The following ADCY2 variants were observed in gnomAD, a reference collection of about 807,000 sequenced individuals.
ADCY2 encodes the protein adenylate cyclase type 2.
A neutral mutation model predicts 125.2 loss-of-function variants in ADCY2; 31 were observed. The ratio of observed to expected loss-of-function variants is 0.25; its 90% CI spans 0.19 to 0.33. The LOEUF (loss-of-function observed/expected upper bound fraction) is 0.33, where lower values mean the gene tolerates loss of function less well. Among genes scored for constraint, ADCY2 ranks in the 10% least tolerant of loss-of-function variants. ADCY2 has a pLI of 1.00. For missense variants in ADCY2, 904 were observed against 1,418.2 expected, an observed-to-expected ratio of 0.64 and a Z score of 5.82; for synonymous variants, 512 against 548.4, an observed-to-expected ratio of 0.93 and a Z score of 0.93.
At chr5:7,572,912 A>G (rs1736109024) in intron 3 of ADCY2, among the ~76,000 whole-genome samples, 1 of 152,162 alleles carries the variant, frequency 6.6e-6, no homozygotes, top group Non-Finnish European at 1.5e-5. Flanking sequence ...TCCCCATAAT[A>G]GGACTATATT....
intron 19 of ADCY2, among the ~76,000 whole-genome samples, chr5:7,788,774 C>CT (rs1251582520): frequency 6.6e-6 from 1 of 152,172 alleles, no homozygotes; most frequent in Non-Finnish European, 1.5e-5. Flanking sequence ...AAACCAAAAA[C>CT]TTGCAGTTAG....
intron 3 of ADCY2, among the ~76,000 whole-genome samples, chr5:7,561,048 C>G (rs1332815149): frequency 6.6e-6 from 1 of 152,204 alleles, no homozygotes; most frequent in East Asian, 1.9e-4. Context: ...ATATTTTGTT[C>G]CCACTCACTT....
At chr5:7,484,709 GGCCA>G (rs1173146455) in intron 2 of ADCY2, among the ~76,000 whole-genome samples, 2 of 151,968 alleles carry the variant, frequency 1.3e-5, no homozygotes, top group Admixed American at 6.6e-5. Flanking sequence ...TCCGATCTTG[GGCCA>G]GCTTCTCTTG....
chr5:7,742,873 A>G (rs1045332023), intron 14 of ADCY2, among the ~76,000 whole-genome samples: 4 of 151,540 alleles, frequency 2.6e-5, no homozygotes, highest in African/African-American at 9.7e-5. Context: ...ACACCATCCA[A>G]CCTCTCCTTG....
At position 7,820,578 on chromosome 5, in the gene ADCY2, A is replaced by G. The variant is rs1579477913; in HGVS notation, c.3012A>G (p.Gly1004=). The G allele has an allele frequency of 3.7e-6, 6 of 1,613,902 alleles. No individual in the cohort carries two copies. In the East Asian group the frequency reaches 1.1e-4, roughly 30 times the overall value. The change falls in exon 24 of 25, where the codon GGA becomes GGG. Residue 1004 remains glycine (G), a synonymous_variant. Transcript: ENST00000338316. ...GATGTGGCACAGGTATTAACCATGG[A>G]CCTGTGATAGCTGGTGTGATTGGAG... ...DFKLRVGINH[G]PVIAGVIGAQ... is the part of the protein sequence containing the mutation.
chr5:7,436,787 G>C (rs1420827370), intron 2 of ADCY2, among the ~76,000 whole-genome samples: 1 of 152,238 alleles, frequency 6.6e-6, no homozygotes, highest in Non-Finnish European at 1.5e-5. Context: ...TGCCAGGCGT[G>C]TGCAGCCTGT....
At chr5:7,526,398 G>A (rs951588582) in intron 3 of ADCY2, among the ~76,000 whole-genome samples, 4 of 152,080 alleles carry the variant, frequency 2.6e-5, no homozygotes, top group East Asian at 1.9e-4. Context: ...TCCAGTGTTC[G>A]GTAGTATGGT....
intron 3 of ADCY2, among the ~76,000 whole-genome samples, chr5:7,624,487 A>G (rs1738059735): frequency 6.6e-6 from 1 of 152,184 alleles, no homozygotes; most frequent in South Asian, 2.1e-4. Context: ...GGACATGGAG[A>G]TGACCACCCA....
intron 2 of ADCY2, among the ~76,000 whole-genome samples, chr5:7,471,847 T>A (rs988431145): frequency 7.9e-5 from 12 of 152,076 alleles, no homozygotes; most frequent in Non-Finnish European, 1.6e-4. Context: ...ATTTTAAAGA[T>A]GCTACTCCAT....
At chr5:7,544,590 A>G (rs1368693190) in intron 3 of ADCY2, among the ~76,000 whole-genome samples, 1 of 152,058 alleles carries the variant, frequency 6.6e-6, no homozygotes, top group Admixed American at 6.5e-5. Context: ...ACGTGTGCAA[A>G]GTCCCTTTTG....
intron 2 of ADCY2, among the ~76,000 whole-genome samples, chr5:7,474,862 A>G (rs932555261): frequency 6.6e-6 from 1 of 152,284 alleles, no homozygotes; most frequent in Admixed American, 6.5e-5. Flanking sequence ...CAGTGTTAAC[A>G]AGGCCTAGGC....
intron 3 of ADCY2, among the ~76,000 whole-genome samples, chr5:7,577,013 A>G (rs1312196524): frequency 6.6e-6 from 1 of 152,232 alleles, no homozygotes; most frequent in African/African-American, 2.4e-5. Flanking sequence ...AAGCAGTCCC[A>G]ACATCTCAAG....
intron 11 of ADCY2, among the ~76,000 whole-genome samples, chr5:7,713,675 A>T (rs1741511161): frequency 6.6e-6 from 1 of 152,158 alleles, no homozygotes; most frequent in African/African-American, 2.4e-5. Flanking sequence ...AATCCCAGGC[A>T]CCAACTCCTT....
intron 1 of ADCY2, among the ~76,000 whole-genome samples, chr5:7,408,076 T>G (rs1579412179): frequency 1.3e-5 from 2 of 151,918 alleles, no homozygotes; most frequent in South Asian, 4.2e-4. Context: ...TTCACCATGT[T>G]GGCCAGGATG....
chr5:7,821,235 T>G (rs1259611100), intron 24 of ADCY2, among the ~76,000 whole-genome samples: 2 of 152,230 alleles, frequency 1.3e-5, no homozygotes, highest in African/African-American at 4.8e-5. Flanking sequence ...TAAAATTATT[T>G]TATGTGACTA....
intron 3 of ADCY2, among the ~76,000 whole-genome samples, chr5:7,579,701 A>G (rs1736365841): frequency 6.6e-6 from 1 of 152,248 alleles, no homozygotes; most frequent in African/African-American, 2.4e-5. Flanking sequence ...TGCTTAGTCT[A>G]CAATTCAAAA....
chr5:7,601,921 A>C (rs1297895973), intron 3 of ADCY2, among the ~76,000 whole-genome samples: 4 of 152,146 alleles, frequency 2.6e-5, no homozygotes, highest in African/African-American at 2.4e-5. Context: ...GAAGTCCAAA[A>C]TCAGGGTGTC....
intron 3 of ADCY2, among the ~76,000 whole-genome samples, chr5:7,571,817 G>A (rs1736074267): frequency 6.6e-6 from 1 of 152,124 alleles, no homozygotes; most frequent in Non-Finnish European, 1.5e-5. Context: ...AGGCGCCAGT[G>A]TCTATTGTTC....
intron 2 of ADCY2, among the ~76,000 whole-genome samples, chr5:7,432,611 C>G (rs775362925): frequency 6.6e-6 from 1 of 152,328 alleles, no homozygotes; most frequent in Non-Finnish European, 1.5e-5. Context: ...GCAGTTCCAA[C>G]GCCCACACTT....
Sources: allele counts gnomAD v4.1 joint callset (sites outside exome capture counted in the v4.1 genomes callset), GRCh38; gene constraint gnomAD v4.1.1; transcripts MANE v1.5; gene names NCBI Gene and HGNC (gene_info 2026-07-23, HGNC 2026-07-21).